MYBL1: variants seen among roughly 807,000 people sequenced by gnomAD.
The protein encoded by MYBL1 is myb-related protein A.
In MYBL1, 17 loss-of-function variants were observed where a neutral mutation model predicts 96.3. That is an observed-to-expected ratio of 0.18 (90% CI 0.12 to 0.26). MYBL1 has a LOEUF of 0.26. MYBL1 is among the 10% of genes least tolerant of loss of function. The pLI, the probability that MYBL1 is intolerant of heterozygous loss-of-function variation, is 1.00. For synonymous variants in MYBL1, 282 were observed against 292.7 expected, an observed-to-expected ratio of 0.96 and a Z score of 0.37; for missense variants, 701 against 882.9, an observed-to-expected ratio of 0.79 and a Z score of 2.61.
chr8:66,592,429 T>C lies in MYBL1; in HGVS notation c.867+11A>G. On this transcript the variant is annotated intron_variant, in intron 8 of 15. Coordinates refer to ENST00000522677, the MANE Select transcript of MYBL1 (RefSeq NM_001080416.4). ...GATTCTAACAATACAAATAACAAGC[T>C]TATTTCTTACTGATGGAATTCGCTT... is the stretch of plus-strand genomic sequence containing the variant. 1 of 1,525,536 alleles carries C rather than the reference T, an allele frequency of 6.6e-7. No homozygotes were observed. The highest frequency in any genetic ancestry group is 9.0e-7 in the Non-Finnish European group (1 of 1,115,562). 94.5% of individuals were successfully genotyped at this position (1,525,536 alleles called of 1,614,324 possible). A position where few individuals can be genotyped will look rare whatever the true frequency, so the allele number is the denominator to read the frequency against.
chr8:66,571,209 T>A (rs554691322), intron 12 of MYBL1, among the ~76,000 whole-genome samples: 2 of 152,294 alleles, frequency 1.3e-5, no homozygotes, highest in East Asian at 3.8e-4. Context: ...TGTTCCAAGG[T>A]ATTTCAAAGG....
intron 1 of MYBL1, among the ~76,000 whole-genome samples, chr8:66,602,761 T>TTTTC (rs1207532118): frequency 9.6e-6 from 1 of 104,362 alleles, no homozygotes; most frequent in African/African-American, 4.1e-5. Context: ...TTTTTTTTTT[T>TTTTC]CTGAGACGGA....
chr8:66,572,671 A>C, intron 11 of MYBL1, 75 bp from the exon 12 acceptor site: 1 of 660,620 alleles, frequency 1.5e-6, no homozygotes, highest in South Asian at 3.0e-5. Context: ...AAAGCAATTT[A>C]AGCACACGCT....
At chr8:66,591,202 G>A (rs1809628526) in intron 8 of MYBL1, among the ~76,000 whole-genome samples, 1 of 152,004 alleles carries the variant, frequency 6.6e-6, no homozygotes, top group Admixed American at 6.6e-5. Context: ...TAAAAAATTA[G>A]CTGGGAGTGG....
chr8:66,601,177 C>CAAAAAAAA (rs1167336780), intron 3 of MYBL1, among the ~76,000 whole-genome samples: 1 of 13,910 alleles, frequency 7.2e-5, no homozygotes, highest in African/African-American at 1.9e-4. Flanking sequence ...AACTCCGTCT[C>CAAAAAAAA]AAAAAAAAAA....
At chr8:66,606,643 T>G (rs1810322772) in intron 1 of MYBL1, among the ~76,000 whole-genome samples, 1 of 152,218 alleles carries the variant, frequency 6.6e-6, no homozygotes, top group Admixed American at 6.5e-5. Flanking sequence ...TTCTTCATAT[T>G]TGACCAGGCA....
In MYBL1 at chr8:66,612,858, A is replaced by G. The variant is rs1302453996; in HGVS notation, c.-20T>C. The G allele has an allele frequency of 1.5e-6, 2 of 1,359,730 alleles. No individual in the cohort carries two copies. The highest frequency in any genetic ancestry group is 1.5e-5 in the African/African-American group (1 of 66,758). 84.2% of individuals were successfully genotyped at this position (1,359,730 alleles called of 1,614,324 possible). Reference sequence around the variant, plus strand: ...CGCCATCCTTCAAGTACCGCATAGGAGCAGGCTGGGCGGGGACGCGGGTCA... The same window carrying G: ...CGCCATCCTTCAAGTACCGCATAGGGGCAGGCTGGGCGGGGACGCGGGTCA... On this transcript the variant is annotated 5_prime_UTR_variant, in exon 1 of 16. Coordinates refer to ENST00000522677, the MANE Select transcript of MYBL1 (RefSeq NM_001080416.4).
chr8:66,567,526 A>AGTGTGTGT (rs111352513), intron 12 of MYBL1, among the ~76,000 whole-genome samples: 4 of 146,828 alleles, frequency 2.7e-5, no homozygotes, highest in Admixed American at 6.8e-5. Flanking sequence ...AGAGAGAGTG[A>AGTGTGTGT]GTGTGTGTGT....
rs764601443 is a variant in MYBL1 at position 66,566,825 on chromosome 8, A to C, written c.1846-37T>G. ...AATTTATGTAGAAGCTTTATGGCAA[A>C]GTCTCTTGGATACAATAAGACTTTT... On this transcript the variant is annotated intron_variant, in intron 13 of 15. Coordinates refer to ENST00000522677, the MANE Select transcript of MYBL1 (RefSeq NM_001080416.4). 25 of 1,589,614 alleles carry C rather than the reference A, an allele frequency of 1.6e-5. No individual in the cohort carries two copies. The Admixed American group carries it at 2.7e-4, about 17-fold the overall frequency.
At chr8:66,602,596 G>T in intron 1 of MYBL1, 73 bp from the exon 2 acceptor site, 1 of 947,198 alleles carries the variant, frequency 1.1e-6, no homozygotes, top group Non-Finnish European at 1.6e-6. Flanking sequence ...GAACTTGTGT[G>T]TGCAGGTATG....
intron 9 of MYBL1, among the ~76,000 whole-genome samples, chr8:66,578,129 A>C (rs1327281510): frequency 2.6e-5 from 4 of 152,056 alleles, no homozygotes; most frequent in Non-Finnish European, 4.4e-5. Context: ...TAAAAACCCG[A>C]GAAGAAAACC....
At chr8:66,591,472 C>T (rs1809643025) in intron 8 of MYBL1, among the ~76,000 whole-genome samples, 2 of 151,954 alleles carry the variant, frequency 1.3e-5, no homozygotes. Flanking sequence ...ACCTTTGATC[C>T]TAACTTAACA....
chr8:66,568,973 G>A (rs772226497), intron 12 of MYBL1, among the ~76,000 whole-genome samples: 3 of 152,108 alleles, frequency 2.0e-5, no homozygotes, highest in Non-Finnish European at 2.9e-5. Flanking sequence ...GCAGTGAGCC[G>A]AGATCGCGCC....
intron 6 of MYBL1, among the ~76,000 whole-genome samples, chr8:66,593,780 A>C (rs1296926647): frequency 6.6e-6 from 1 of 152,210 alleles, no homozygotes; most frequent in East Asian, 1.9e-4. Flanking sequence ...AGAATTTTCA[A>C]GATACATATA....
Position 66,592,466 on chromosome 8 carries a change from C to A in MYBL1, c.841G>T (p.Glu281Ter). 1 of 1,600,924 alleles carries A rather than the reference C, an allele frequency of 6.2e-7. No individual in the cohort carries two copies. ...GATGGAATTCGCTTTCTTCTAACTT[C>A]ATTCTCAGCTGACATAAGAAGCATC... is the stretch of plus-strand genomic sequence containing the variant. ...LEMLLMSAEN[E>*]VRRKRIPSQP... is the part of the protein sequence containing the mutation. Residue 281 changes from glutamate (E) to a stop codon, truncating the protein, a stop_gained, in exon 8 of 16, where the codon GAA becomes TAA. Coordinates refer to ENST00000522677, the MANE Select transcript of MYBL1 (RefSeq NM_001080416.4). LOFTEE classifies it high-confidence loss of function.
chr8:66,583,101 A>G (rs1341400184), intron 8 of MYBL1, among the ~76,000 whole-genome samples: 1 of 152,236 alleles, frequency 6.6e-6, no homozygotes, highest in East Asian at 1.9e-4. Context: ...AGGCCACAAA[A>G]TAAGTCTGAA....
intron 8 of MYBL1, among the ~76,000 whole-genome samples, chr8:66,580,692 A>C (rs890398807): frequency 1.3e-5 from 2 of 152,136 alleles, no homozygotes; most frequent in African/African-American, 4.8e-5. Flanking sequence ...AAACCTTATC[A>C]TGTGTATCTA....
In MYBL1 at chr8:66,593,055, CT is replaced by C. The variant is rs1809711023; in HGVS notation, c.762+64del. On this transcript the variant is annotated intron_variant, in intron 7 of 15. Transcript: ENST00000522677. ...AGTTTAATAGATGAGGAAATAGATA[CT>C]ATTAGGCTTTTAAAAATGTGACTGA... is the stretch of plus-strand genomic sequence containing the variant. The C allele has an allele frequency of 4.9e-6, 5 of 1,010,712 alleles. No homozygotes were observed. In the Admixed American group the frequency reaches 8.8e-5, roughly 18 times the overall value. 62.6% of individuals were successfully genotyped at this position (1,010,712 alleles called of 1,614,324 possible).
chr8:66,573,000 A>T (rs1808796014), intron 11 of MYBL1, among the ~76,000 whole-genome samples: 1 of 152,106 alleles, frequency 6.6e-6, no homozygotes, highest in Admixed American at 6.6e-5. Context: ...AGATCACCTG[A>T]GGTCAGAAGT....
Sources: gnomAD v4.1 joint callset for allele counts (sites outside exome capture counted in the v4.1 genomes callset) on GRCh38, gnomAD v4.1.1 for gene constraint, MANE v1.5 for transcripts, NCBI Gene and HGNC (gene_info 2026-07-23, HGNC 2026-07-21) for gene names.